EML6: variants seen among roughly 807,000 people sequenced by gnomAD.
EML6 encodes the protein EMAP like 6.
EML6 carries 154 observed loss-of-function variants against 240.1 expected under a neutral mutation model. The ratio of observed to expected loss-of-function variants is 0.64; its 90% CI spans 0.56 to 0.73. The LOEUF (loss-of-function observed/expected upper bound fraction) is 0.73, where lower values mean the gene tolerates loss of function less well. Among genes scored for constraint, EML6 ranks in the 30% least tolerant of loss-of-function variants. The pLI, the probability that EML6 is intolerant of heterozygous loss-of-function variation, is 0.00. For missense variants in EML6, 2,964 were observed against 2,474.6 expected, an observed-to-expected ratio of 1.20 and a Z score of -4.20; for synonymous variants, 1,148 against 899.0, an observed-to-expected ratio of 1.28 and a Z score of -4.95.
chr2:54,877,079 C>G (rs1481447894), intron 16 of EML6, among the ~76,000 whole-genome samples: 1 of 151,866 alleles, frequency 6.6e-6, no homozygotes, highest in Non-Finnish European at 1.5e-5. Context: ...ACCTCCTGAG[C>G]TCAATCGATC....
chr2:54,792,635 T>G (rs1184718616), intron 2 of EML6, among the ~76,000 whole-genome samples: 2 of 152,354 alleles, frequency 1.3e-5, no homozygotes, highest in East Asian at 1.9e-4. Flanking sequence ...CTCACAGAAC[T>G]GTACACTAAA....
chr2:54,915,226 G>A (rs952525639), intron 25 of EML6, among the ~76,000 whole-genome samples: 1 of 152,150 alleles, frequency 6.6e-6, no homozygotes, highest in African/African-American at 2.4e-5. Flanking sequence ...TGGAGAACAC[G>A]GTGCCCTGAT....
rs1672967167 is a variant in EML6 at position 54,899,906 on chromosome 2, G to C, written c.3124+124G>C. ...TATGCCCATAAATATGCTGGGCAAT[G>C]AGAATTTTATATTGGTTGCTACAGT... On this transcript the variant is annotated intron_variant, in intron 22 of 41. Coordinates refer to ENST00000356458, the MANE Select transcript of EML6 (RefSeq NM_001039753.4). 4 of 957,452 alleles carry C rather than the reference G, an allele frequency of 4.2e-6. No individual in the cohort carries two copies. In the Admixed American group the frequency reaches 8.7e-5, roughly 21 times the overall value. The allele number at this position is 957,452 out of a possible 1,614,324, so 59.3% of individuals were successfully genotyped here.
chr2:54,850,124 C>T lies in EML6; in HGVS notation c.1350C>T (p.Ser450=). The T allele has an allele frequency of 1.9e-6, 3 of 1,551,908 alleles. No individual in the cohort carries two copies. The highest frequency in any genetic ancestry group is 2.6e-6 in the Non-Finnish European group (3 of 1,146,996). Residue 450 remains serine (S), a synonymous_variant, in exon 10 of 42, where the codon TCC becomes TCT. Transcript: ENST00000356458. The part of the protein sequence containing the change: ...RYKKIGECSK[S]LSFITHIDWS... The stretch of plus-strand genomic sequence containing the variant: ...AGAAAATTGGAGAATGCAGCAAGTC[C>T]CTTAGTTTCATCACGCATATTGACT...
At chr2:54,951,171 G>T (rs145509224) in intron 30 of EML6, among the ~76,000 whole-genome samples, 1 of 152,258 alleles carries the variant, frequency 6.6e-6, no homozygotes, top group African/African-American at 2.4e-5. Flanking sequence ...TAACAGCTCA[G>T]ATTTTTCAAG....
chr2:54,807,567 A>G (rs1025516291), intron 2 of EML6, among the ~76,000 whole-genome samples: 21 of 152,192 alleles, frequency 1.4e-4, no homozygotes, highest in African/African-American at 4.8e-4. Context: ...TCAAGCCACC[A>G]ATGTGACATC....
chr2:54,823,951 G>A (rs546971642), intron 5 of EML6, among the ~76,000 whole-genome samples: 1 of 149,306 alleles, frequency 6.7e-6, no homozygotes, highest in East Asian at 2.0e-4. Flanking sequence ...TAAAGAGTAT[G>A]GAACCCAGTA....
In EML6 at chr2:54,892,670, A is replaced by G. The variant is rs1439928715; in HGVS notation, c.2742+14A>G. On this transcript the variant is annotated intron_variant, in intron 19 of 41. Coordinates refer to ENST00000356458, the MANE Select transcript of EML6 (RefSeq NM_001039753.4). ...GCACTGGATAAGGTATGGCCTGTGT[A>G]TCAGCATTCATTTTCCTCATCAGCC... 1 of 1,540,116 alleles carries G rather than the reference A, an allele frequency of 6.5e-7. No individual in the cohort carries two copies. Among genetic ancestry groups the G allele is most frequent in the East Asian group, 2.5e-5 (1 of 40,798 alleles).
At chr2:54,833,243 T>G (rs1417447176) in intron 7 of EML6, among the ~76,000 whole-genome samples, 2 of 152,214 alleles carry the variant, frequency 1.3e-5, no homozygotes, top group Non-Finnish European at 2.9e-5. Context: ...TGTAAAGACT[T>G]CTGTTGCTCC....
chr2:54,892,129 C>T (rs528829411), intron 18 of EML6, among the ~76,000 whole-genome samples: 7 of 152,266 alleles, frequency 4.6e-5, no homozygotes, highest in East Asian at 1.9e-4. Context: ...CTCAGTTAGA[C>T]GCATGTCTTG....
At chr2:54,838,846 G>A (rs994588755) in intron 7 of EML6, among the ~76,000 whole-genome samples, 3 of 152,184 alleles carry the variant, frequency 2.0e-5, no homozygotes, top group Admixed American at 1.3e-4. Flanking sequence ...GTGGTGAAAC[G>A]CCTTCAGTTC....
rs1676967785 is a variant in EML6 at position 54,971,036 on chromosome 2, A to G, written c.*941A>G. The G allele has an allele frequency of 6.6e-6, 1 of 152,254 alleles. No homozygotes were observed. The highest frequency in any genetic ancestry group is 2.4e-5 in the African/African-American group (1 of 41,464). The allele number at this position is 152,254 out of a possible 1,614,324, so 9.4% of individuals were successfully genotyped here. ...CAGGAAGGTCTATGAGAATGAGCTG[A>G]CTTATCTCGTTAAATCTTAAGATAA... is the stretch of plus-strand genomic sequence containing the variant. On this transcript the variant is annotated 3_prime_UTR_variant, in exon 42 of 42. Transcript: ENST00000356458.
At chr2:54,915,774 A>T (rs567715620) in intron 25 of EML6, among the ~76,000 whole-genome samples, 1 of 152,264 alleles carries the variant, frequency 6.6e-6, no homozygotes, top group South Asian at 2.1e-4. Context: ...CGTGCAAAAC[A>T]GTTTCAAATT....
rs183321012 is a variant in EML6, at chr2:54,758,532, C to T, written c.197+33274C>T. Reference sequence around the variant, plus strand: ...TGTTTAGAAGTGATTTTCTCTGGGACGGTTTTCCCAGTCCCCCATTCCCTG... The same window carrying T: ...TGTTTAGAAGTGATTTTCTCTGGGATGGTTTTCCCAGTCCCCCATTCCCTG... On this transcript the variant is annotated intron_variant, in intron 2 of 41. Coordinates refer to ENST00000356458, the MANE Select transcript of EML6 (RefSeq NM_001039753.4). Among the ~76,000 whole-genome samples the T allele has an allele frequency of 2.4e-4, 36 of 152,280 alleles. No homozygotes were observed. The Middle Eastern group carries it at 0.01, about 43-fold the overall frequency.
chr2:54,769,676 A>G (rs1376969090), intron 2 of EML6, among the ~76,000 whole-genome samples: 6 of 152,228 alleles, frequency 3.9e-5, no homozygotes, highest in African/African-American at 1.4e-4. Flanking sequence ...ACCACAATGT[A>G]TGCCATAAAC....
chr2:54,777,838 T>G (rs886660018), intron 2 of EML6, among the ~76,000 whole-genome samples: 1 of 152,230 alleles, frequency 6.6e-6, no homozygotes, highest in Non-Finnish European at 1.5e-5. Flanking sequence ...ATGTGGGTTA[T>G]TTGAGAATAT....
chr2:54,970,174 G>T lies in EML6; in HGVS notation c.*79G>T. 1 of 1,419,904 alleles carries T rather than the reference G, an allele frequency of 7.0e-7. No homozygotes were observed. Among genetic ancestry groups the T allele is most frequent in the Non-Finnish European group, 9.7e-7 (1 of 1,027,830 alleles). The allele number at this position is 1,419,904 out of a possible 1,614,324, so 88.0% of individuals were successfully genotyped here. On this transcript the variant is annotated 3_prime_UTR_variant, in exon 42 of 42. Transcript: ENST00000356458. ...AGAGGCCATGCTGAGGTGCCTCCTT[G>T]CCACCAGCCGTTGGGAAATGCCTAC...
At chr2:54,914,619 T>C (rs1673811656) in intron 25 of EML6, among the ~76,000 whole-genome samples, 1 of 152,204 alleles carries the variant, frequency 6.6e-6, no homozygotes, top group African/African-American at 2.4e-5. Flanking sequence ...GGCTGATTCC[T>C]GATGATGTTG....
At chr2:54,893,474 G>C (rs1672587863) in intron 19 of EML6, among the ~76,000 whole-genome samples, 1 of 152,104 alleles carries the variant, frequency 6.6e-6, no homozygotes. Context: ...CCATTCATGA[G>C]GGCAGACCCC....
Sources: allele counts gnomAD v4.1 joint callset (sites outside exome capture counted in the v4.1 genomes callset), GRCh38; gene constraint gnomAD v4.1.1; transcripts MANE v1.5; gene names NCBI Gene and HGNC (gene_info 2026-07-23, HGNC 2026-07-21).